Variants in PCTP observed in about 807,000 individuals in gnomAD.
PCTP encodes phosphatidylcholine transfer protein, also known as START domain-containing protein 2.
A neutral mutation model predicts 31.0 loss-of-function variants in PCTP; 27 were observed. That is an observed-to-expected ratio of 0.87 (90% CI 0.64 to 1.20). The LOEUF is 1.20. Among genes scored for constraint, PCTP ranks in the 50% most tolerant of loss-of-function variants. The probability of loss-of-function intolerance (pLI) is 0.00; values close to 1 mark genes in which losing one functional copy is unlikely to be tolerated. For missense variants in PCTP, 287 were observed against 268.2 expected, an observed-to-expected ratio of 1.07 and a Z score of -0.49; for synonymous variants, 108 against 101.2, an observed-to-expected ratio of 1.07 and a Z score of -0.40.
chr17:55,779,929 G>A (rs904574062), downstream of PCTP, among the ~76,000 whole-genome samples: 4 of 152,130 alleles, frequency 2.6e-5, no homozygotes, highest in African/African-American at 9.7e-5. Flanking sequence ...ATGTTGGGGC[G>A]CAGCATACCC....
chr17:55,838,570 A>C (rs1301846845), intron 5 of PCTP, among the ~76,000 whole-genome samples: 1 of 152,188 alleles, frequency 6.6e-6, no homozygotes, highest in African/African-American at 2.4e-5. Context: ...CTGTGAGGGA[A>C]AACTTAGCAC....
intron 3 of PCTP, among the ~76,000 whole-genome samples, chr17:55,792,429 C>T (rs1212920475): frequency 6.6e-6 from 1 of 151,726 alleles, no homozygotes; most frequent in Non-Finnish European, 1.5e-5. Context: ...AAGAAGGATT[C>T]ACACTACATC....
intron 5 of PCTP, 62 bp from the exon 6 acceptor site, chr17:55,775,973 C>A: frequency 6.3e-7 from 1 of 1,593,142 alleles, no homozygotes; most frequent in Non-Finnish European, 8.5e-7. Context: ...TCTGCCACAT[C>A]CCAAAGAATC....
chr17:55,845,887 G>GGGGTGTGTGTGTGTGT (rs1555572496), downstream of PCTP, among the ~76,000 whole-genome samples: 3 of 142,960 alleles, frequency 2.1e-5, no homozygotes, highest in African/African-American at 5.3e-5. Flanking sequence ...AGAGGGTTGG[G>GGGGTGTGTGTGTGTGT]GTGTGTGTGT....
At position 55,774,840 on chromosome 17, in the gene PCTP, T is replaced by C; in HGVS notation, c.560T>C (p.Leu187Pro). 1.4e-6 allele frequency: 2 copies of C among 1,380,406 alleles called. No homozygotes were observed. The allele number at this position is 1,380,406 out of a possible 1,614,324, so 85.5% of individuals were successfully genotyped here. The change falls in exon 5 of 6, where the codon CTC (leucine) becomes CCC (proline). Residue 187 changes from leucine (L) to proline (P), a missense_variant. Physicochemically the swap from Leu to Pro is moderately conservative, Grantham distance 98 (BLOSUM62 -3). Coordinates refer to ENST00000268896, the MANE Select transcript of PCTP (RefSeq NM_021213.4). The stretch of plus-strand genomic sequence containing the variant: ...CCGGGTGGCCAAATTCCGTCCTGGC[T>C]CATTAACTGGGCCGCCAAGGTGAGA... ...DNPGGQIPSW[L>P]INWAAKNGVP...
chr17:55,793,926 C>T (rs1182370608), intron 3 of PCTP, among the ~76,000 whole-genome samples: 2 of 151,994 alleles, frequency 1.3e-5, no homozygotes, highest in Non-Finnish European at 2.9e-5. Context: ...AATTTGAATG[C>T]CCGCCTTCAC....
chr17:55,777,374 A>T lies in PCTP; in HGVS notation c.*1274A>T, dbSNP rs770578511. 14 of 984,172 alleles carry T rather than the reference A, an allele frequency of 1.4e-5. No individual in the cohort carries two copies. The highest frequency in any genetic ancestry group is 1.7e-5 in the Non-Finnish European group (14 of 828,894). The allele number at this position is 984,172 out of a possible 1,614,324, so 61.0% of individuals were successfully genotyped here. A position where few individuals can be genotyped will look rare whatever the true frequency, so the allele number is the denominator to read the frequency against. On this transcript the variant is annotated 3_prime_UTR_variant, in exon 6 of 6. Coordinates refer to ENST00000268896, the MANE Select transcript of PCTP (RefSeq NM_021213.4). ...AATGAATAAATATAGAGTGGTTTTT[A>T]CTTGTCCTGTGTACCACTTCCTTCC...
At chr17:55,768,183 C>T (rs943243709) in intron 2 of PCTP, among the ~76,000 whole-genome samples, 3 of 151,964 alleles carry the variant, frequency 2.0e-5, no homozygotes, top group African/African-American at 7.2e-5. Context: ...TAAATTTTGG[C>T]ACAAAAGCAT....
intron 5 of PCTP, among the ~76,000 whole-genome samples, chr17:55,833,267 A>G (rs1886258327): frequency 6.6e-6 from 1 of 152,240 alleles, no homozygotes; most frequent in Admixed American, 6.5e-5. Flanking sequence ...AAGTATAGAT[A>G]CAGAAGCAAA....
intron 2 of PCTP, chr17:55,769,551 G>A (rs1910864324): frequency 6.6e-6 from 1 of 152,196 alleles, no homozygotes; most frequent in Admixed American, 6.5e-5. Context: ...AACAACTGCT[G>A]AGTCTCTGAT....
Position 55,774,927 on chromosome 17 carries a change from C to T in PCTP, c.579+68C>T, listed in dbSNP as rs532643296. The stretch of plus-strand genomic sequence containing the variant: ...GTGTTTGACAAATGTTGACTTAGCC[C>T]GCGGGGCTGTCAGGCTGAAGAGACA... On this transcript the variant is annotated intron_variant, in intron 5 of 5. Coordinates refer to ENST00000268896, the MANE Select transcript of PCTP (RefSeq NM_021213.4). 84 of 1,484,440 alleles carry T rather than the reference C, an allele frequency of 5.7e-5. No individual in the cohort carries two copies. The East Asian group carries it at 1.7e-3, about 30-fold the overall frequency. 92.0% of individuals were successfully genotyped at this position (1,484,440 alleles called of 1,614,324 possible).
intron 1 of PCTP, among the ~76,000 whole-genome samples, chr17:55,754,175 CG>C (rs928770836): frequency 1.3e-4 from 20 of 152,182 alleles, no homozygotes; most frequent in African/African-American, 3.9e-4. Context: ...TGTCAGATCC[CG>C]TAGGTTGAGG....
the PCTP span, among the ~76,000 whole-genome samples, chr17:55,851,169 T>A: frequency 6.6e-6 from 1 of 152,226 alleles, no homozygotes; most frequent in Non-Finnish European, 1.5e-5. Context: ...TAGATCCTAT[T>A]TTTTCTTAAA....
In PCTP at chr17:55,751,258, C is replaced by T; in HGVS notation, c.141+14C>T. 2 of 1,530,534 alleles carry T rather than the reference C, an allele frequency of 1.3e-6. No homozygotes were observed. Among genetic ancestry groups the T allele is most frequent in the Middle Eastern group, 1.7e-4 (1 of 5,784 alleles). The allele number at this position is 1,530,534 out of a possible 1,614,324, so 94.8% of individuals were successfully genotyped here. ...CTGCTGGACAAGGTAGCGGCCAACC[C>T]GCTGGAGGACCGCGGGGCCTAGAAT... On this transcript the variant is annotated intron_variant, in intron 1 of 5. Coordinates refer to ENST00000268896, the MANE Select transcript of PCTP (RefSeq NM_021213.4).
intron 3 of PCTP, among the ~76,000 whole-genome samples, chr17:55,817,060 A>T (rs1912942986): frequency 6.6e-6 from 1 of 152,260 alleles, no homozygotes; most frequent in Admixed American, 6.5e-5. Flanking sequence ...ATGGTCTGTT[A>T]GATAAATGAC....
the PCTP span, among the ~76,000 whole-genome samples, chr17:55,848,203 C>T: frequency 6.6e-6 from 1 of 152,196 alleles, no homozygotes; most frequent in Admixed American, 6.5e-5. Context: ...AGCCACCGTG[C>T]CAGGCCCAGA....
At chr17:55,820,459 T>C (rs1913077808) in intron 3 of PCTP, among the ~76,000 whole-genome samples, 1 of 152,148 alleles carries the variant, frequency 6.6e-6, no homozygotes, top group Non-Finnish European at 1.5e-5. Flanking sequence ...CCTCACATGA[T>C]AGAAGGGATG....
chr17:55,799,997 C>T (rs1464109345), intron 3 of PCTP, among the ~76,000 whole-genome samples: 1 of 152,080 alleles, frequency 6.6e-6, no homozygotes. Flanking sequence ...TCTCTGGCTG[C>T]CCTTAACATT....
downstream of PCTP, among the ~76,000 whole-genome samples, chr17:55,826,969 G>A (rs186813595): frequency 3.3e-5 from 5 of 150,266 alleles, no homozygotes; most frequent in East Asian, 3.9e-4. Context: ...GTTTATTATA[G>A]CATTTCATGT....
Sources: gnomAD v4.1 joint callset for allele counts (sites outside exome capture counted in the v4.1 genomes callset) on GRCh38, gnomAD v4.1.1 for gene constraint, MANE v1.5 for transcripts, NCBI Gene and HGNC (gene_info 2026-07-23, HGNC 2026-07-21) for gene names.